Variants in PALM observed in about 807,000 individuals in gnomAD.
PALM encodes paralemmin-1.
Under a neutral mutation model 30.7 loss-of-function variants are expected in PALM, and 18 were observed. The observed-to-expected ratio is 0.59, with a 90% CI of 0.41 to 0.87. The LOEUF is 0.87. PALM is among the 40% of genes least tolerant of loss of function. The pLI, the probability that PALM is intolerant of heterozygous loss-of-function variation, is 0.00. For missense variants in PALM, 529 were observed against 555.4 expected (o/e 0.95, Z 0.48); for synonymous variants, 286 against 242.8 (o/e 1.18, Z -1.66).
intron 1 of PALM, among the ~76,000 whole-genome samples, chr19:712,520 A>C (rs1204398709): frequency 6.7e-6 from 1 of 149,930 alleles, no homozygotes; most frequent in Non-Finnish European, 1.5e-5. Context: ...AGTAGCTGGG[A>C]CTGCAGGCGC....
rs80189511 is a variant in PALM at position 725,772 on chromosome 19, G to A, written c.6-366G>A. ...TTGGTGGGCAGGAGGGTGCAGAGAG[G>A]ACTGTCCTGATCTGTCTTATGGTCT... On this transcript the variant is annotated intron_variant, in intron 1 of 8. Transcript: ENST00000338448. 5.8e-3 allele frequency among the ~76,000 whole-genome samples: 875 copies of A among 151,698 alleles called. 17 individuals are homozygous for A. The highest frequency in any genetic ancestry group is 0.04 in the Admixed American group (611 of 15,246).
chr19:722,214 G>A (rs561919136), intron 1 of PALM, among the ~76,000 whole-genome samples: 2 of 152,212 alleles, frequency 1.3e-5, no homozygotes, highest in African/African-American at 4.8e-5. Flanking sequence ...CAGCGCACCC[G>A]GCCTTAAATT....
chr19:733,777 A>C (rs1389694726), intron 5 of PALM, among the ~76,000 whole-genome samples: 1 of 152,142 alleles, frequency 6.6e-6, no homozygotes, highest in Non-Finnish European at 1.5e-5. Context: ...ACCTGAGGTC[A>C]GGGGATCGAA....
At chr19:738,900 C>T (rs1388907170) in intron 7 of PALM, among the ~76,000 whole-genome samples, 1 of 152,150 alleles carries the variant, frequency 6.6e-6, no homozygotes, top group Non-Finnish European at 1.5e-5. Flanking sequence ...GGGGGTGTGC[C>T]AGGCATTGGG....
chr19:743,905 C>T (rs2033260708), intron 8 of PALM, among the ~76,000 whole-genome samples: 1 of 152,082 alleles, frequency 6.6e-6, no homozygotes, highest in Non-Finnish European at 1.5e-5. Context: ...GGAGAATACA[C>T]ATTCTTTTCA....
Position 746,014 on chromosome 19 carries a change from C to T in PALM, c.635-271C>T, listed in dbSNP as rs763135428. On this transcript the variant is annotated intron_variant, in intron 8 of 8. Transcript: ENST00000338448. This position sits in a 1 kb window ranked among gnomAD's most constrained non-coding sequence, Gnocchi z 7.1. The stretch of plus-strand genomic sequence containing the variant: ...TGGAGCTTGCAGTGAGCTGAGATCA[C>T]GCCATTGCACTCCAGCCTGGGCGAC... Among the ~76,000 whole-genome samples the T allele has an allele frequency of 3.3e-5, 5 of 151,830 alleles. No homozygotes were observed. Among genetic ancestry groups the T allele is most frequent in the South Asian group, 2.1e-4 (1 of 4,798 alleles).
At chr19:739,135 TAC>T (rs1159103965) in intron 7 of PALM, among the ~76,000 whole-genome samples, 1 of 152,130 alleles carries the variant, frequency 6.6e-6, no homozygotes, top group Non-Finnish European at 1.5e-5. Flanking sequence ...GAATGATTTT[TAC>T]AGAGTGGGGC....
intron 5 of PALM, 39 bp from the exon 6 acceptor site, chr19:734,134 A>G (rs201526550): frequency 1.2e-6 from 2 of 1,611,826 alleles, no homozygotes; most frequent in African/African-American, 1.3e-5. Flanking sequence ...CTTCCCGGGG[A>G]TGCTGACGCC....
chr19:727,641 G>A lies in PALM; in HGVS notation c.216G>A (p.Arg72=), dbSNP rs1343744260. 6.4e-7 allele frequency: 1 copy of A among 1,572,938 alleles called. No homozygotes were observed. The highest frequency in any genetic ancestry group is 1.3e-5 in the African/African-American group (1 of 74,448). The stretch of plus-strand genomic sequence containing the variant: ...CAGAGGGGGATGAGGACCTGAGGAG[G>A]CAGATGCAGGACGACGAGCAGAAGA... The part of the protein sequence containing the change: ...SASEGDEDLR[R]QMQDDEQKTR... Residue 72 remains arginine, a synonymous_variant, in exon 4 of 9, where the codon AGG becomes AGA. Coordinates refer to ENST00000338448, the MANE Select transcript of PALM (RefSeq NM_002579.3).
chr19:737,778 CG>C (rs1279989171), intron 7 of PALM, among the ~76,000 whole-genome samples: 2 of 151,574 alleles, frequency 1.3e-5, no homozygotes, highest in African/African-American at 4.9e-5. Flanking sequence ...GCTGGAGCAG[CG>C]TGAGGAGGGG....
chr19:717,966 G>A (rs902211862), intron 1 of PALM, among the ~76,000 whole-genome samples: 11 of 152,156 alleles, frequency 7.2e-5, no homozygotes, highest in African/African-American at 2.7e-4. Flanking sequence ...CGAACCACCT[G>A]AGGTCAGGAG....
At chr19:728,275 TC>T (rs2032757796) in intron 4 of PALM, among the ~76,000 whole-genome samples, 1 of 152,026 alleles carries the variant, frequency 6.6e-6, no homozygotes, top group South Asian at 2.1e-4. Context: ...CAGGCTGTGC[TC>T]GGGGGCAGCA....
chr19:729,164 T>C (rs1270563197), intron 4 of PALM, among the ~76,000 whole-genome samples: 1 of 129,856 alleles, frequency 7.7e-6, no homozygotes, highest in East Asian at 2.4e-4. Context: ...CAGTCTCTAC[T>C]AAAAATGCAA....
At chr19:723,153 G>C (rs2032547577) in intron 1 of PALM, among the ~76,000 whole-genome samples, 1 of 152,106 alleles carries the variant, frequency 6.6e-6, no homozygotes, top group African/African-American at 2.4e-5. Flanking sequence ...GGGCACAAGG[G>C]GGACGTCATA....
chr19:717,427 C>G (rs554345771), intron 1 of PALM, among the ~76,000 whole-genome samples: 9 of 152,222 alleles, frequency 5.9e-5, no homozygotes, highest in Admixed American at 2.0e-4. Context: ...TCTGGCGTCT[C>G]TCACTGAGCG....
chr19:739,172 C>T (rs1163260107), intron 7 of PALM, among the ~76,000 whole-genome samples: 1 of 152,064 alleles, frequency 6.6e-6, no homozygotes, highest in Non-Finnish European at 1.5e-5. Flanking sequence ...GGAGTTAGGG[C>T]CCTGATGAGT....
Position 731,190 on chromosome 19 carries a change from C to T in PALM, c.365C>T (p.Ala122Val), listed in dbSNP as rs753736735. 32 of 1,611,028 alleles carry T rather than the reference C, an allele frequency of 2.0e-5. No homozygotes were observed. The highest frequency in any genetic ancestry group is 2.5e-5 in the Non-Finnish European group (29 of 1,179,234). Residue 122 changes from alanine (A) to valine (V), a missense_variant, in exon 5 of 9, where the codon GCC (alanine) becomes GTC (valine). Coordinates refer to ENST00000338448, the MANE Select transcript of PALM (RefSeq NM_002579.3). ...GCCCCGAGCCCAGTCCGGGCCCCAGCCCCGAGTCCAGCCAAGGAGGAGCGC... is the reference window on the plus strand; with the variant it reads ...GCCCCGAGCCCAGTCCGGGCCCCAGTCCCGAGTCCAGCCAAGGAGGAGCGC... ...AAAPSPVRAP[A>V]PSPAKEERKT...
rs572688337 is a variant in PALM, at chr19:738,254, T to C, written c.503-2098T>C. 1.9e-3 allele frequency among the ~76,000 whole-genome samples: 290 copies of C among 151,788 alleles called. 1 individual carries two copies. The highest frequency in any genetic ancestry group is 3.3e-3 in the Non-Finnish European group (227 of 67,904). On this transcript the variant is annotated intron_variant, in intron 7 of 8. Transcript: ENST00000338448. ...AAAAAATAGAAAAATTAGCCAGGCG[T>C]GGTGGCTCACCCCTGTAATCCCAGC...
intron 6 of PALM, chr19:735,188 TGGGGG>T (rs1439827591): frequency 8.2e-6 from 1 of 122,012 alleles, no homozygotes; most frequent in East Asian, 2.7e-4. Flanking sequence ...TCTGTGTGTC[TGGGGG>T]CCCAGGTGCC....
Sources: allele counts gnomAD v4.1 joint callset (sites outside exome capture counted in the v4.1 genomes callset), GRCh38; gene constraint gnomAD v4.1.1; non-coding constraint Gnocchi (gnomAD v3.1); transcripts MANE v1.5; gene names NCBI Gene and HGNC (gene_info 2026-07-23, HGNC 2026-07-21).